The following TENM3 variants were observed in gnomAD, a reference collection of about 807,000 sequenced individuals.
The protein encoded by TENM3 is teneurin-3.
TENM3 carries 63 observed loss-of-function variants against 255.1 expected under a neutral mutation model. That is an observed-to-expected ratio of 0.25 (90% CI 0.20 to 0.30). TENM3 has a LOEUF of 0.30. TENM3 is among the 10% of genes least tolerant of loss of function. TENM3 has a pLI of 1.00. For synonymous variants in TENM3, 1,306 were observed against 1,322.3 expected (o/e 0.99, Z 0.27); for missense variants, 2,929 against 3,461.1 (o/e 0.85, Z 3.86).
At chr4:181,458,109 G>A in the TENM3 span, among the ~76,000 whole-genome samples, 3 of 151,848 alleles carry the variant, frequency 2.0e-5, no homozygotes, top group Non-Finnish European at 2.9e-5. Context: ...TTTATAAAGG[G>A]AATAATAACC....
chr4:181,523,420 A>T, the TENM3 span, among the ~76,000 whole-genome samples: 639 of 58,810 alleles, frequency 0.011, 4 homozygotes, highest in African/African-American at 0.024. Flanking sequence ...TTTTAAAATT[A>T]AAAAAAAAAA....
chr4:182,351,402 G>A (rs547723038), intron 3 of TENM3, among the ~76,000 whole-genome samples: 8 of 152,278 alleles, frequency 5.3e-5, no homozygotes, highest in African/African-American at 1.9e-4. Flanking sequence ...TGTCACAGGT[G>A]CCTGGATTTG....
chr4:182,088,863 G>A, the TENM3 span, among the ~76,000 whole-genome samples: 1 of 151,618 alleles, frequency 6.6e-6, no homozygotes, highest in Non-Finnish European at 1.5e-5. Context: ...GAGAGAGACA[G>A]CCAAAGCAAA....
chr4:182,531,348 A>G (rs1446500709), intron 3 of TENM3, among the ~76,000 whole-genome samples: 1 of 152,230 alleles, frequency 6.6e-6, no homozygotes, highest in African/African-American at 2.4e-5. Context: ...TAAAATGCCA[A>G]AAGTTACAAA....
chr4:182,383,637 C>A (rs529286321), intron 3 of TENM3, among the ~76,000 whole-genome samples: 2 of 151,992 alleles, frequency 1.3e-5, no homozygotes, highest in South Asian at 4.2e-4. Context: ...TCCCTCCCCC[C>A]ATTTTGGAAT....
chr4:182,756,507 T>C (rs2152757425), intron 22 of TENM3, among the ~76,000 whole-genome samples: 1 of 152,326 alleles, frequency 6.6e-6, no homozygotes, highest in East Asian at 1.9e-4. Context: ...AGAGATGGCA[T>C]GTTGACAAAC....
At chr4:182,325,732 G>A (rs576180263) in intron 2 of TENM3, among the ~76,000 whole-genome samples, 36 of 151,408 alleles carry the variant, frequency 2.4e-4, no homozygotes, top group African/African-American at 8.5e-4. Flanking sequence ...TTAGTGCCCT[G>A]TTGGAAAACG....
chr4:182,186,077 A>G (rs1380492447), intron 1 of TENM3, among the ~76,000 whole-genome samples: 1 of 152,186 alleles, frequency 6.6e-6, no homozygotes, highest in Admixed American at 6.5e-5. Context: ...AAATTACACA[A>G]TTAATTAAAA....
the TENM3 span, among the ~76,000 whole-genome samples, chr4:181,725,279 G>A: frequency 3.3e-5 from 5 of 152,078 alleles, no homozygotes; most frequent in South Asian, 4.1e-4. Context: ...TGGACATCAG[G>A]AAAGAAAAGT....
At chr4:181,919,693 G>A in the TENM3 span, among the ~76,000 whole-genome samples, 1 of 151,474 alleles carries the variant, frequency 6.6e-6, no homozygotes, top group African/African-American at 2.4e-5. Context: ...GGACCACCAA[G>A]GTTGTTCACT....
chr4:182,256,862 A>C (rs1417918107), intron 1 of TENM3, among the ~76,000 whole-genome samples: 1 of 151,902 alleles, frequency 6.6e-6, no homozygotes, highest in Admixed American at 6.6e-5. Context: ...TTGGATTATT[A>C]TTTTTAGCTT....
rs1298531203 is a variant in TENM3, at chr4:182,751,936, G to C, written c.3766G>C (p.Val1256Leu). 1 of 1,613,916 alleles carries C rather than the reference G, an allele frequency of 6.2e-7. No individual in the cohort carries two copies. Among genetic ancestry groups the C allele is most frequent in the Non-Finnish European group, 8.5e-7 (1 of 1,179,892 alleles). The change falls in exon 20 of 28, where the codon GTC (valine) becomes CTC (leucine). Residue 1256 changes from valine to leucine, a missense_variant. Physicochemically the swap from Val to Leu is conservative, Grantham distance 32. Transcript: ENST00000511685. ...GAKDLTKNAEVVAGTGEQCLP... is the reference protein window; with the variant it reads ...GAKDLTKNAELVAGTGEQCLP... Reference sequence around the variant, plus strand: ...AAAAGACTTGACTAAAAATGCAGAAGTCGTCGCAGGGACAGGGGAGCAATG... The same window carrying C: ...AAAAGACTTGACTAAAAATGCAGAACTCGTCGCAGGGACAGGGGAGCAATG...
intron 1 of TENM3, chr4:182,145,067 T>G (rs1749851391): frequency 6.6e-6 from 1 of 151,952 alleles, no homozygotes; most frequent in Non-Finnish European, 1.5e-5. Flanking sequence ...GTCCGGAGGC[T>G]GGGCGCCCAG....
chr4:182,643,317 G>A lies in TENM3; in HGVS notation c.989-10454G>A, dbSNP rs373124464. Reference sequence around the variant, plus strand: ...CAAAGCCCAAGATATCCAAGGAATCGTATGTATAACATGATAGTTTGACTC... The same window carrying A: ...CAAAGCCCAAGATATCCAAGGAATCATATGTATAACATGATAGTTTGACTC... On this transcript the variant is annotated intron_variant, in intron 5 of 27. Transcript: ENST00000511685. Among the ~76,000 whole-genome samples, 33 of 152,172 alleles carry A rather than the reference G, an allele frequency of 2.2e-4. No individual in the cohort carries two copies. The South Asian group carries it at 3.1e-3, about 14-fold the overall frequency.
intron 5 of TENM3, among the ~76,000 whole-genome samples, chr4:182,645,459 A>T (rs1752659416): frequency 6.6e-6 from 1 of 152,112 alleles, no homozygotes; most frequent in Non-Finnish European, 1.5e-5. Flanking sequence ...GGCATTGTAT[A>T]AGTCAGGAGT....
the TENM3 span, among the ~76,000 whole-genome samples, chr4:181,781,458 A>T: frequency 6.6e-6 from 1 of 152,144 alleles, no homozygotes; most frequent in Non-Finnish European, 1.5e-5. Context: ...TGATTTTGGC[A>T]CATTGATTAT....
chr4:182,699,265 T>C (rs1188230909), intron 12 of TENM3, among the ~76,000 whole-genome samples: 1 of 152,186 alleles, frequency 6.6e-6, no homozygotes, highest in Non-Finnish European at 1.5e-5. Flanking sequence ...GTTAAACCTG[T>C]TGTGATTTTT....
At chr4:181,965,010 G>A in the TENM3 span, among the ~76,000 whole-genome samples, 2 of 152,088 alleles carry the variant, frequency 1.3e-5, no homozygotes, top group African/African-American at 2.4e-5. Flanking sequence ...AGAGAAAGGC[G>A]ACAGAACCTA....
At chr4:181,760,556 AT>A in the TENM3 span, among the ~76,000 whole-genome samples, 1 of 152,164 alleles carries the variant, frequency 6.6e-6, no homozygotes, top group African/African-American at 2.4e-5. Flanking sequence ...CATTATGGTT[AT>A]GATAGTGGGA....
Sources: allele counts gnomAD v4.1 joint callset (sites outside exome capture counted in the v4.1 genomes callset), GRCh38; gene constraint gnomAD v4.1.1; transcripts MANE v1.5; gene names NCBI Gene and HGNC (gene_info 2026-07-23, HGNC 2026-07-21).